The following PPP1R13B variants were observed in gnomAD, a reference collection of about 807,000 sequenced individuals.
PPP1R13B encodes apoptosis-stimulating of p53 protein 1.
PPP1R13B carries 44 observed loss-of-function variants against 119.8 expected under a neutral mutation model. The ratio of observed to expected loss-of-function variants is 0.37; its 90% confidence interval spans 0.29 to 0.47. The LOEUF (loss-of-function observed/expected upper bound fraction) is 0.47, where lower values mean the gene tolerates loss of function less well. Ranked by LOEUF, PPP1R13B falls within the 20% of genes least tolerant of loss-of-function variation. The pLI is 0.99. For synonymous variants in PPP1R13B, 542 were observed against 561.5 expected (o/e 0.97, Z 0.49); for missense variants, 1,227 against 1,413.5 (o/e 0.87, Z 2.12).
chr14:103,841,232 C>T (rs550026506), intron 1 of PPP1R13B, among the ~76,000 whole-genome samples: 5 of 151,638 alleles, frequency 3.3e-5, no homozygotes, highest in Non-Finnish European at 7.4e-5. Flanking sequence ...TTGCAGTGGG[C>T]TGAGAGGGTG....
chr14:103,736,732 C>G (rs143899604), intron 15 of PPP1R13B: 2 of 155,680 alleles, frequency 1.3e-5, no homozygotes, highest in Admixed American at 1.2e-4. Flanking sequence ...CTCACACTGG[C>G]GGGACTCACC....
intron 1 of PPP1R13B, among the ~76,000 whole-genome samples, chr14:103,823,595 T>C (rs1227270845): frequency 6.6e-6 from 1 of 152,126 alleles, no homozygotes; most frequent in African/African-American, 2.4e-5. Context: ...TCAAATGACC[T>C]TGGAAATTCT....
intron 8 of PPP1R13B, 161 bp from the exon 9 acceptor site, chr14:103,746,714 T>A (rs2084395015): frequency 3.5e-6 from 2 of 574,048 alleles, no homozygotes; most frequent in Admixed American, 3.4e-5. Context: ...GGGGAGACTG[T>A]GGAGAAGGAA....
intron 1 of PPP1R13B, among the ~76,000 whole-genome samples, chr14:103,829,077 C>T (rs77451807): frequency 0.078 from 11,908 of 152,090 alleles, 675 homozygotes; most frequent in Non-Finnish European, 0.13. Context: ...TGAAGTCTCC[C>T]CAGACATAGT....
At chr14:103,754,437 C>T (rs527403153) in intron 5 of PPP1R13B, among the ~76,000 whole-genome samples, 193 bp from the exon 6 acceptor site, 1 of 151,712 alleles carries the variant, frequency 6.6e-6, no homozygotes, top group African/African-American at 2.4e-5. Flanking sequence ...TGGTGTGCGC[C>T]TGTAGTCCCA....
intron 1 of PPP1R13B, among the ~76,000 whole-genome samples, chr14:103,813,080 T>C (rs1185184105): frequency 6.6e-6 from 1 of 152,240 alleles, no homozygotes; most frequent in Non-Finnish European, 1.5e-5. Context: ...TGAAAATGTG[T>C]CCAGACAAAA....
intron 1 of PPP1R13B, among the ~76,000 whole-genome samples, chr14:103,813,300 C>T (rs1245046134): frequency 6.6e-6 from 1 of 151,742 alleles, no homozygotes; most frequent in Non-Finnish European, 1.5e-5. Context: ...GTACTTTCTG[C>T]TCCATCTTTC....
intron 1 of PPP1R13B, among the ~76,000 whole-genome samples, chr14:103,798,752 G>C (rs1008612992): frequency 3.3e-5 from 5 of 152,074 alleles, no homozygotes; most frequent in Non-Finnish European, 7.4e-5. Flanking sequence ...ACCCAGGCTG[G>C]AGTGCAGTGG....
intron 9 of PPP1R13B, among the ~76,000 whole-genome samples, chr14:103,745,692 T>C (rs971764233): frequency 1.3e-5 from 2 of 152,238 alleles, no homozygotes; most frequent in Non-Finnish European, 2.9e-5. Context: ...GGGCAGCCCC[T>C]CCACTTGGCT....
At chr14:103,737,582 TAAAA>T (rs925460691) in intron 15 of PPP1R13B, 108 bp downstream of exon 15, 1 of 1,335,200 alleles carries the variant, frequency 7.5e-7, no homozygotes, top group African/African-American at 1.5e-5. Flanking sequence ...TCTCCTGTCT[TAAAA>T]AAAACAAACA....
chr14:103,816,505 G>T (rs1360294216), intron 1 of PPP1R13B, among the ~76,000 whole-genome samples: 1 of 150,284 alleles, frequency 6.7e-6, no homozygotes, highest in Non-Finnish European at 1.5e-5. Context: ...TGGCCAACAC[G>T]GTGAAACCCC....
Position 103,828,406 on chromosome 14 carries a change from C to T in PPP1R13B, c.9+18893G>A, listed in dbSNP as rs368263436. Reference sequence around the variant, plus strand: ...AAAAAAAAGTGCAAGAAGCCAAAACCCATAGTGTAAGGCAGTGTTACCTTT... The same window carrying T: ...AAAAAAAAGTGCAAGAAGCCAAAACTCATAGTGTAAGGCAGTGTTACCTTT... On this transcript the variant is annotated intron_variant, in intron 1 of 16. Transcript: ENST00000202556. Among the ~76,000 whole-genome samples the T allele has an allele frequency of 8.7e-4, 132 of 151,366 alleles. No homozygotes were observed. In the Middle Eastern group the frequency reaches 0.028, roughly 32 times the overall value.
chr14:103,764,535 C>T (rs1193241390), intron 4 of PPP1R13B: 1 of 309,178 alleles, frequency 3.2e-6, no homozygotes, highest in East Asian at 1.1e-4. Flanking sequence ...AATACATCCA[C>T]AATGTTAATT....
chr14:103,847,578 G>C (rs912565226), upstream of PPP1R13B: 1 of 984,590 alleles, frequency 1.0e-6, no homozygotes, highest in Non-Finnish European at 1.2e-6. Flanking sequence ...GACAGCCTGC[G>C]GCCCGCCCGC....
intron 4 of PPP1R13B, among the ~76,000 whole-genome samples, chr14:103,764,705 G>C (rs988835661): frequency 7.3e-5 from 11 of 151,554 alleles, no homozygotes; most frequent in Non-Finnish European, 1.3e-4. Context: ...TTTCATTTGT[G>C]AAAGTTCTGT....
At chr14:103,848,453 G>A (rs151278042), upstream of PPP1R13B, 306 of 985,476 alleles carry the variant, frequency 3.1e-4, 1 homozygote, top group African/African-American at 4.9e-3. Flanking sequence ...AGGCTGCCAG[G>A]GGGGTAGGCA....
chr14:103,737,670 T>C, intron 15 of PPP1R13B, 24 bp downstream of exon 15: 1 of 1,609,534 alleles, frequency 6.2e-7, no homozygotes, highest in Non-Finnish European at 8.5e-7. Flanking sequence ...AGCACCACTG[T>C]GGCCCCAGGC....
At chr14:103,761,620 G>A (rs886513681) in intron 4 of PPP1R13B, among the ~76,000 whole-genome samples, 5 of 151,892 alleles carry the variant, frequency 3.3e-5, no homozygotes, top group South Asian at 2.1e-4. Context: ...AAAATTAGCC[G>A]GGCATGGTGG....
intron 2 of PPP1R13B, among the ~76,000 whole-genome samples, chr14:103,793,410 C>A (rs2085677578): frequency 6.6e-6 from 1 of 152,012 alleles, no homozygotes; most frequent in Admixed American, 6.6e-5. Context: ...GGGGCTCTTC[C>A]CCCTTCACTT....
Sources: gnomAD v4.1 joint callset for allele counts (sites outside exome capture counted in the v4.1 genomes callset) on GRCh38, gnomAD v4.1.1 for gene constraint, MANE v1.5 for transcripts, NCBI Gene and HGNC (gene_info 2026-07-23, HGNC 2026-07-21) for gene names.